The following KCNC2 variants were observed in gnomAD, a reference collection of about 807,000 sequenced individuals.
The protein encoded by KCNC2 is potassium voltage-gated channel subfamily C member 2, also known as voltage-gated potassium channel KCNC2.
Under a neutral mutation model 44.5 loss-of-function variants are expected in KCNC2, and 21 were observed. The observed-to-expected ratio is 0.47, with a 90% CI of 0.33 to 0.68. KCNC2 has a LOEUF of 0.68. Ranked by LOEUF, KCNC2 falls within the 30% of genes least tolerant of loss-of-function variation. KCNC2 has a pLI of 0.01. For synonymous variants in KCNC2, 391 were observed against 339.1 expected (o/e 1.15, Z -1.68); for missense variants, 589 against 826.2 (o/e 0.71, Z 3.52).
chr12:75,149,677 A>G (rs1890256737), intron 2 of KCNC2, among the ~76,000 whole-genome samples: 1 of 151,822 alleles, frequency 6.6e-6, no homozygotes, highest in Non-Finnish European at 1.5e-5. Context: ...TGTCTTTTGA[A>G]TTGTGCCCCA....
intron 2 of KCNC2, among the ~76,000 whole-genome samples, chr12:75,114,505 G>A (rs1028184843): frequency 3.9e-5 from 6 of 152,146 alleles, no homozygotes; most frequent in African/African-American, 1.2e-4. Context: ...TTAAGTCTTG[G>A]CCCCCTGAGC....
chr12:75,042,730 TAC>T lies in KCNC2; in HGVS notation c.*373_*374del. The T allele has an allele frequency of 8.6e-7, 1 of 1,160,250 alleles. No homozygotes were observed. The highest frequency in any genetic ancestry group is 1.1e-6 in the Non-Finnish European group (1 of 940,562). The allele number at this position is 1,160,250 out of a possible 1,614,324, so 71.9% of individuals were successfully genotyped here. ...GATCCCAGACATCTTCAGAATGGTT[TAC>T]AGTCACAAGAAATAAAGTTCCAATG... On this transcript the variant is annotated 3_prime_UTR_variant, in exon 5 of 5. Transcript: ENST00000549446.
chr12:75,065,177 A>G (rs545356191), intron 2 of KCNC2, among the ~76,000 whole-genome samples: 1 of 152,238 alleles, frequency 6.6e-6, no homozygotes, highest in Admixed American at 6.5e-5. Context: ...ATAAAAAATT[A>G]AATATGATTA....
intron 3 of KCNC2, among the ~76,000 whole-genome samples, chr12:75,048,928 G>C (rs910150834): frequency 1.1e-4 from 17 of 152,132 alleles, no homozygotes; most frequent in African/African-American, 4.1e-4. Flanking sequence ...CTGTATCCTT[G>C]CCAAAGACTT....
At chr12:75,099,074 T>C (rs1372228767) in intron 2 of KCNC2, among the ~76,000 whole-genome samples, 1 of 152,152 alleles carries the variant, frequency 6.6e-6, no homozygotes, top group Non-Finnish European at 1.5e-5. Flanking sequence ...TAATCTTATC[T>C]AAAAACACAC....
chr12:75,087,700 C>T (rs992412586), intron 2 of KCNC2, among the ~76,000 whole-genome samples: 1 of 152,010 alleles, frequency 6.6e-6, no homozygotes, highest in Non-Finnish European at 1.5e-5. Context: ...TCTGTGAGTA[C>T]ACAGTACTGT....
intron 2 of KCNC2, among the ~76,000 whole-genome samples, chr12:75,198,085 A>C (rs2030930860): frequency 6.6e-6 from 1 of 151,896 alleles, no homozygotes; most frequent in African/African-American, 2.4e-5. Context: ...CTGCTTTTGC[A>C]TCAAGTCTAA....
At chr12:75,182,292 AG>A (rs1423472455) in intron 2 of KCNC2, among the ~76,000 whole-genome samples, 4 of 151,658 alleles carry the variant, frequency 2.6e-5, no homozygotes, top group East Asian at 2.0e-4. Flanking sequence ...TGGGAGGCCG[AG>A]GGGGGCAGAT....
chr12:75,074,855 T>G (rs1046466821), intron 2 of KCNC2, among the ~76,000 whole-genome samples: 1 of 152,202 alleles, frequency 6.6e-6, no homozygotes, highest in Non-Finnish European at 1.5e-5. Context: ...ATAAGTGTTG[T>G]GTTAGAGAAA....
chr12:75,168,018 A>G (rs1340103274), intron 2 of KCNC2, among the ~76,000 whole-genome samples: 2 of 151,424 alleles, frequency 1.3e-5, no homozygotes, highest in African/African-American at 4.8e-5. Flanking sequence ...GCCAGAGACT[A>G]AAATGAGCTC....
intron 2 of KCNC2, among the ~76,000 whole-genome samples, chr12:75,151,885 G>C (rs568368092): frequency 1.4e-5 from 2 of 143,244 alleles, no homozygotes; most frequent in African/African-American, 5.3e-5. Flanking sequence ...CTAGAATGTA[G>C]TAGAAAGGGT....
chr12:75,147,446 C>A (rs1169671748), intron 2 of KCNC2, among the ~76,000 whole-genome samples: 1 of 152,034 alleles, frequency 6.6e-6, no homozygotes, highest in Non-Finnish European at 1.5e-5. Flanking sequence ...CAACTTACGA[C>A]CTAATTGACT....
Position 75,052,954 on chromosome 12 carries a change from T to C in KCNC2, c.688-1637A>G, listed in dbSNP as rs35584610. Among the ~76,000 whole-genome samples, 1,185 of 152,258 alleles carry C rather than the reference T, an allele frequency of 7.8e-3. 6 individuals are homozygous for C. The highest frequency in any genetic ancestry group is 0.012 in the Non-Finnish European group (787 of 68,006). ...TTCCAACTGCTCTAAGTTTTGGCAA[T>C]GTGGTCTGATCATTAGCTTTCCCAG... On this transcript the variant is annotated intron_variant, in intron 2 of 4. Coordinates refer to ENST00000549446, the MANE Select transcript of KCNC2 (RefSeq NM_139137.4).
At chr12:75,047,106 C>T (rs772721073) in intron 4 of KCNC2, among the ~76,000 whole-genome samples, 8 of 151,932 alleles carry the variant, frequency 5.3e-5, no homozygotes, top group Non-Finnish European at 1.0e-4. Context: ...CAAATTCAGT[C>T]AATTACCATA....
At chr12:75,067,735 G>A (rs1243271035) in intron 2 of KCNC2, among the ~76,000 whole-genome samples, 1 of 152,170 alleles carries the variant, frequency 6.6e-6, no homozygotes, top group Non-Finnish European at 1.5e-5. Context: ...ATGTGTTCAA[G>A]AGCAGTAGCT....
chr12:75,195,378 A>G (rs1391900734), intron 2 of KCNC2, among the ~76,000 whole-genome samples: 1 of 152,140 alleles, frequency 6.6e-6, no homozygotes, highest in Non-Finnish European at 1.5e-5. Context: ...CACAAAATAT[A>G]ATACCAAATA....
At chr12:75,118,514 A>G (rs1353194774) in intron 2 of KCNC2, among the ~76,000 whole-genome samples, 1 of 152,000 alleles carries the variant, frequency 6.6e-6, no homozygotes, top group East Asian at 1.9e-4. Context: ...AAGCATTACA[A>G]GCAGAAGAAA....
At chr12:75,056,471 A>G (rs990707914) in intron 2 of KCNC2, among the ~76,000 whole-genome samples, 2 of 151,936 alleles carry the variant, frequency 1.3e-5, no homozygotes, top group Admixed American at 6.6e-5. Flanking sequence ...CATAAGTTGC[A>G]TTATTTTTAG....
chr12:75,165,915 A>C (rs1891418517), intron 2 of KCNC2, among the ~76,000 whole-genome samples: 2 of 151,476 alleles, frequency 1.3e-5, no homozygotes, highest in African/African-American at 4.8e-5. Flanking sequence ...TTGTGTGTAA[A>C]TAAAAACTAT....
Sources: allele counts gnomAD v4.1 joint callset (sites outside exome capture counted in the v4.1 genomes callset), GRCh38; gene constraint gnomAD v4.1.1; transcripts MANE v1.5; gene names NCBI Gene and HGNC (gene_info 2026-07-23, HGNC 2026-07-21).